SCHIP1: variants seen among roughly 807,000 people sequenced by gnomAD.
SCHIP1 encodes the protein schwannomin-interacting protein 1.
In SCHIP1, 8 loss-of-function variants were observed where a neutral mutation model predicts 29.7. That is an observed-to-expected ratio of 0.27 (90% CI 0.16 to 0.49). The LOEUF (loss-of-function observed/expected upper bound fraction) is 0.49, where lower values mean the gene tolerates loss of function less well. SCHIP1 is among the 20% of genes least tolerant of loss of function. The pLI, the probability that SCHIP1 is intolerant of heterozygous loss-of-function variation, is 0.99. For missense variants in SCHIP1, 193 were observed against 294.6 expected (o/e 0.66, Z 2.52); for synonymous variants, 76 against 94.9 (o/e 0.80, Z 1.16).
chr3:159,452,679 C>T, the SCHIP1 span, among the ~76,000 whole-genome samples: 7 of 152,178 alleles, frequency 4.6e-5, no homozygotes, highest in East Asian at 5.8e-4. Flanking sequence ...AACGGGATTG[C>T]TAGGTCAAAT....
chr3:159,890,232 C>A (rs1717372208), intron 5 of SCHIP1, among the ~76,000 whole-genome samples: 1 of 152,132 alleles, frequency 6.6e-6, no homozygotes, highest in African/African-American at 2.4e-5. Context: ...AGAAATGATT[C>A]AAGCTTGGCC....
the SCHIP1 span, among the ~76,000 whole-genome samples, chr3:159,283,732 G>A: frequency 2.6e-5 from 4 of 151,992 alleles, no homozygotes; most frequent in Non-Finnish European, 5.9e-5. Context: ...AATTTTTTTA[G>A]TGGATTCTTT....
At chr3:159,370,512 T>TAA in the SCHIP1 span, among the ~76,000 whole-genome samples, 155 of 152,324 alleles carry the variant, frequency 1.0e-3, 2 homozygotes, top group South Asian at 0.024. Flanking sequence ...TTGACTGAGC[T>TAA]AAGGGATGCC....
the SCHIP1 span, among the ~76,000 whole-genome samples, chr3:159,648,964 C>A: frequency 6.6e-6 from 1 of 152,062 alleles, no homozygotes; most frequent in Non-Finnish European, 1.5e-5. Context: ...TGAAACTAAT[C>A]CTACTTAACA....
At chr3:159,731,072 T>C in the SCHIP1 span, among the ~76,000 whole-genome samples, 5 of 152,302 alleles carry the variant, frequency 3.3e-5, no homozygotes, top group Middle Eastern at 0.014. Flanking sequence ...ATTCCGTTTT[T>C]AAAAGATCCC....
the SCHIP1 span, among the ~76,000 whole-genome samples, chr3:159,621,668 C>T: frequency 2.0e-5 from 3 of 146,414 alleles, no homozygotes; most frequent in Admixed American, 2.0e-4. Context: ...TGTTTTTGTT[C>T]TTTGTTTTTT....
chr3:159,802,977 T>A, the SCHIP1 span, among the ~76,000 whole-genome samples: 1 of 152,178 alleles, frequency 6.6e-6, no homozygotes, highest in Non-Finnish European at 1.5e-5. Context: ...TGTAATTGAC[T>A]GTAGGAAGGA....
At chr3:159,469,403 G>A in the SCHIP1 span, among the ~76,000 whole-genome samples, 2 of 152,142 alleles carry the variant, frequency 1.3e-5, no homozygotes, top group Admixed American at 6.6e-5. Flanking sequence ...TGAATTCAGA[G>A]TGAAATTGGG....
At chr3:159,779,734 A>G in the SCHIP1 span, among the ~76,000 whole-genome samples, 2 of 151,952 alleles carry the variant, frequency 1.3e-5, no homozygotes, top group Non-Finnish European at 2.9e-5. Flanking sequence ...GGTTTTGCCA[A>G]CAGGATCGGT....
the SCHIP1 span, among the ~76,000 whole-genome samples, chr3:159,460,556 A>C: frequency 6.6e-6 from 1 of 152,188 alleles, no homozygotes. Context: ...GAAGGCACAA[A>C]AGAGTCTGTT....
the SCHIP1 span, among the ~76,000 whole-genome samples, chr3:159,663,687 T>C: frequency 6.6e-6 from 1 of 152,232 alleles, no homozygotes. Context: ...AACTGATATA[T>C]GCAGAAGCTA....
chr3:159,778,254 A>T, the SCHIP1 span, among the ~76,000 whole-genome samples: 99 of 152,296 alleles, frequency 6.5e-4, no homozygotes, highest in Middle Eastern at 0.014. Context: ...CGGCCTCCCA[A>T]AGTGCTGGGA....
At chr3:159,671,109 GC>G in the SCHIP1 span, among the ~76,000 whole-genome samples, 1 of 152,266 alleles carries the variant, frequency 6.6e-6, no homozygotes, top group East Asian at 1.9e-4. Flanking sequence ...GTGGTCCTGA[GC>G]TTCAAATGCC....
the SCHIP1 span, among the ~76,000 whole-genome samples, chr3:159,406,050 A>C: frequency 6.6e-6 from 1 of 151,958 alleles, no homozygotes; most frequent in East Asian, 1.9e-4. Flanking sequence ...GATGAAGTAG[A>C]AAGTTTATTC....
At chr3:159,344,867 GA>G in the SCHIP1 span, among the ~76,000 whole-genome samples, 1 of 152,164 alleles carries the variant, frequency 6.6e-6, no homozygotes, top group Admixed American at 6.5e-5. Flanking sequence ...TAACAGTAGG[GA>G]AATTGGGTAT....
At chr3:159,639,568 C>A in the SCHIP1 span, among the ~76,000 whole-genome samples, 1 of 152,108 alleles carries the variant, frequency 6.6e-6, no homozygotes, top group Non-Finnish European at 1.5e-5. Flanking sequence ...ATCCTTGGGG[C>A]TATTTAAAAC....
the SCHIP1 span, among the ~76,000 whole-genome samples, chr3:159,647,340 G>A: frequency 2.0e-5 from 3 of 152,090 alleles, no homozygotes; most frequent in African/African-American, 7.2e-5. Context: ...GGTGGGAGGA[G>A]GAGAGGGTTG....
chr3:159,670,248 C>T, the SCHIP1 span, among the ~76,000 whole-genome samples: 4 of 151,842 alleles, frequency 2.6e-5, no homozygotes, highest in African/African-American at 4.8e-5. Context: ...ATAAACAAAC[C>T]CATCAAGAAG....
At chr3:159,608,438 A>G in the SCHIP1 span, among the ~76,000 whole-genome samples, 1 of 152,216 alleles carries the variant, frequency 6.6e-6, no homozygotes, top group African/African-American at 2.4e-5. Context: ...TTGGACTAGG[A>G]CAGTTACTGT....
Sources: allele counts gnomAD v4.1 joint callset (sites outside exome capture counted in the v4.1 genomes callset), GRCh38; gene constraint gnomAD v4.1.1; transcripts MANE v1.5; gene names NCBI Gene and HGNC (gene_info 2026-07-23, HGNC 2026-07-21).